ARAP2: variants seen among roughly 807,000 people sequenced by gnomAD.
ARAP2 encodes arf-GAP with Rho-GAP domain, ANK repeat and PH domain-containing protein 2.
ARAP2 carries 148 observed loss-of-function variants against 194.5 expected under a neutral mutation model. The ratio of observed to expected loss-of-function variants is 0.76; its 90% CI spans 0.67 to 0.87. The LOEUF (loss-of-function observed/expected upper bound fraction) is 0.87, where lower values mean the gene tolerates loss of function less well. Among genes scored for constraint, ARAP2 ranks in the 40% least tolerant of loss-of-function variants. The pLI is 0.00. For synonymous variants in ARAP2, 695 were observed against 683.5 expected (o/e 1.02, Z -0.26); for missense variants, 2,128 against 1,989.7 (o/e 1.07, Z -1.32).
rs531384041 is a variant in ARAP2, at chr4:36,196,787, G to A, written c.1488-3140C>T. Among the ~76,000 whole-genome samples, 16 of 151,800 alleles carry A rather than the reference G, an allele frequency of 1.1e-4. No individual in the cohort carries two copies. The East Asian group carries it at 3.1e-3, about 30-fold the overall frequency. On this transcript the variant is annotated intron_variant, in intron 6 of 32. Coordinates refer to ENST00000303965, the MANE Select transcript of ARAP2 (RefSeq NM_015230.4). The stretch of plus-strand genomic sequence containing the variant: ...CATCAAAATCTGTGGGTACATACTC[G>A]GTGGACACCACTCTCTGGCCGCACT...
intron 1 of ARAP2, among the ~76,000 whole-genome samples, chr4:36,242,659 A>C (rs1362898772): frequency 6.6e-6 from 1 of 152,180 alleles, no homozygotes; most frequent in Non-Finnish European, 1.5e-5. Context: ...CATGAGCCTT[A>C]CACTGCAAGG....
At chr4:36,041,514 A>C (rs1019251777) in intron 5 of ARAP2, among the ~76,000 whole-genome samples, 5 of 152,238 alleles carry the variant, frequency 3.3e-5, no homozygotes, top group Admixed American at 6.5e-5. Flanking sequence ...GGCTATTACT[A>C]AAAAGTCAAA....
chr4:36,176,915 C>A (rs1031414086), intron 9 of ARAP2, among the ~76,000 whole-genome samples: 1 of 151,914 alleles, frequency 6.6e-6, no homozygotes, highest in Admixed American at 6.6e-5. Flanking sequence ...CTTACTATAA[C>A]CCATAATGAT....
At chr4:36,089,840 A>G (rs1348105434) in intron 28 of ARAP2, among the ~76,000 whole-genome samples, 1 of 151,920 alleles carries the variant, frequency 6.6e-6, no homozygotes, top group Non-Finnish European at 1.5e-5. Flanking sequence ...TCTTTTTCTG[A>G]TATATGTTAA....
At chr4:36,074,072 T>C (rs548299840) in intron 31 of ARAP2, among the ~76,000 whole-genome samples, 4 of 152,246 alleles carry the variant, frequency 2.6e-5, no homozygotes, top group African/African-American at 9.6e-5. Context: ...ATACTACTTA[T>C]CAAACCAAAA....
intron 8 of ARAP2, 87 bp downstream of exon 8, chr4:36,187,364 G>A: frequency 2.9e-6 from 2 of 696,360 alleles, no homozygotes; most frequent in Non-Finnish European, 4.2e-6. Flanking sequence ...ATATTTAAAG[G>A]TTTCTTGACA....
intron 32 of ARAP2, among the ~76,000 whole-genome samples, chr4:36,071,874 C>G (rs868615359): frequency 1.8e-4 from 27 of 151,470 alleles, no homozygotes; most frequent in African/African-American, 6.5e-4. Flanking sequence ...ACACAGTCCC[C>G]AGAGTGTGAT....
At chr4:36,063,068 A>T (rs1543038), downstream of ARAP2, among the ~76,000 whole-genome samples, 147,020 of 152,254 alleles carry the variant, frequency 0.97, 71,032 homozygotes, top group East Asian at 1. Context: ...ATTTTTTGTT[A>T]AAGGGGTCTT....
intron 9 of ARAP2, among the ~76,000 whole-genome samples, chr4:36,175,430 A>T (rs1364422132): frequency 1.3e-5 from 2 of 152,200 alleles, no homozygotes; most frequent in Non-Finnish European, 1.5e-5. Flanking sequence ...CTCTGGGGAA[A>T]AAGGCACATA....
chr4:36,036,271 G>A (rs112108181), intron 5 of ARAP2, among the ~76,000 whole-genome samples: 118 of 152,106 alleles, frequency 7.8e-4, no homozygotes, highest in African/African-American at 2.7e-3. Flanking sequence ...GAGGAGAACC[G>A]GCATGTTTAC....
intron 15 of ARAP2, among the ~76,000 whole-genome samples, chr4:36,155,865 A>G (rs367918633): frequency 6.6e-5 from 10 of 152,246 alleles, no homozygotes; most frequent in South Asian, 6.2e-4. Context: ...TTACATGATC[A>G]GTTTTCCTGT....
chr4:36,017,081 C>G (rs1462375372), intron 6 of ARAP2, among the ~76,000 whole-genome samples: 6 of 150,354 alleles, frequency 4.0e-5, no homozygotes, highest in African/African-American at 4.9e-5. Flanking sequence ...AATCCTGAAG[C>G]CCAGCACATA....
rs763636735 is a variant in ARAP2, at chr4:36,124,956, C to T, written c.3652G>A (p.Asp1218Asn). The T allele has an allele frequency of 1.2e-6, 2 of 1,605,528 alleles. No individual in the cohort carries two copies. The highest frequency in any genetic ancestry group is 1.7e-6 in the Non-Finnish European group (2 of 1,174,078). The change falls in exon 22 of 33, where the codon GAC becomes AAC. Residue 1218 changes from aspartate to asparagine, a missense_variant. Asp to Asn is a conservative substitution (Grantham distance 23). Transcript: ENST00000303965. ...YWISALDTQDDKERIKKYGAF... is the reference protein window; with the variant it reads ...YWISALDTQDNKERIKKYGAF... Reference sequence around the variant, plus strand: ...CCATATTTTTTAATTCTTTCCTTGTCATCTTGCGTATCTGAAGGGGAAAAA... The same window carrying T: ...CCATATTTTTTAATTCTTTCCTTGTTATCTTGCGTATCTGAAGGGGAAAAA...
Position 36,141,898 on chromosome 4 carries a change from T to C in ARAP2, c.3263+5398A>G, listed in dbSNP as rs182839699. Among the ~76,000 whole-genome samples the C allele has an allele frequency of 2.5e-3, 379 of 151,768 alleles. 3 individuals are homozygous for C. Among genetic ancestry groups the C allele is most frequent in the African/African-American group, 8.9e-3 (370 of 41,486 alleles). ...CTGACAAGTCCAACAGAATCTACCA[T>C]TGCTGACAGTCATCATTTCCCAAAG... On this transcript the variant is annotated intron_variant, in intron 19 of 32. Coordinates refer to ENST00000303965, the MANE Select transcript of ARAP2 (RefSeq NM_015230.4).
At chr4:36,047,904 AGTCTAAT>A in intron 3 of ARAP2, among the ~76,000 whole-genome samples, 1 of 152,222 alleles carries the variant, frequency 6.6e-6, no homozygotes, top group South Asian at 2.1e-4. Flanking sequence ...AAAGAGCCTG[AGTCTAAT>A]CCTGATATGC....
chr4:36,181,612 G>A (rs150346843), intron 8 of ARAP2, among the ~76,000 whole-genome samples: 138 of 152,304 alleles, frequency 9.1e-4, no homozygotes, highest in African/African-American at 3.2e-3. Flanking sequence ...TTCCCTCAAT[G>A]AAATTCCTGA....
At chr4:36,011,594 C>T (rs7677151) in intron 9 of ARAP2, among the ~76,000 whole-genome samples, 70,680 of 151,898 alleles carry the variant, frequency 0.47, 17,740 homozygotes, top group African/African-American at 0.65. Flanking sequence ...ACTGTGATGA[C>T]TAGTCACTTC....
At chr4:36,005,912 A>C (rs1713178144) in intron 10 of ARAP2, 1 of 152,218 alleles carries the variant, frequency 6.6e-6, no homozygotes, top group Non-Finnish European at 1.5e-5. Context: ...ATTACAAGCA[A>C]GTGCAATTTC....
Position 36,120,554 on chromosome 4 carries a change from T to G in ARAP2, c.3894+625A>C, listed in dbSNP as rs1366149981. ...AATTGAGGTGCTAGAACTAGTTATA[T>G]AATAGAACTGGACCTTTTGCCCAAA... On this transcript the variant is annotated intron_variant, in intron 23 of 32. Coordinates refer to ENST00000303965, the MANE Select transcript of ARAP2 (RefSeq NM_015230.4). 2.0e-5 allele frequency among the ~76,000 whole-genome samples: 3 copies of G among 151,648 alleles called. No homozygotes were observed. The Admixed American group carries it at 2.0e-4, about 10-fold the overall frequency.
Sources: allele counts gnomAD v4.1 joint callset (sites outside exome capture counted in the v4.1 genomes callset), GRCh38; gene constraint gnomAD v4.1.1; transcripts MANE v1.5; gene names NCBI Gene and HGNC (gene_info 2026-07-23, HGNC 2026-07-21).